NDUFAF2: variants seen among roughly 807,000 people sequenced by gnomAD.
NDUFAF2 encodes the protein NADH dehydrogenase [ubiquinone] 1 alpha subcomplex assembly factor 2.
Under a neutral mutation model 22.8 loss-of-function variants are expected in NDUFAF2, and 13 were observed. That is an observed-to-expected ratio of 0.57 (90% CI 0.37 to 0.91). NDUFAF2 has a LOEUF of 0.91. NDUFAF2 is among the 40% of genes least tolerant of loss of function. The pLI, the probability that NDUFAF2 is intolerant of heterozygous loss-of-function variation, is 0.01. For synonymous variants in NDUFAF2, 53 were observed against 64.2 expected, an observed-to-expected ratio of 0.83 and a Z score of 0.84; for missense variants, 162 against 195.2, an observed-to-expected ratio of 0.83 and a Z score of 1.01.
chr5:61,108,087 A>G (rs1752791116), intron 3 of NDUFAF2, among the ~76,000 whole-genome samples: 1 of 148,914 alleles, frequency 6.7e-6, no homozygotes, highest in African/African-American at 2.5e-5. Flanking sequence ...CATTTTCTTA[A>G]TCCAGTCTAT....
chr5:61,144,558 T>A (rs538831491), intron 3 of NDUFAF2, among the ~76,000 whole-genome samples: 2 of 152,320 alleles, frequency 1.3e-5, no homozygotes, highest in African/African-American at 4.8e-5. Context: ...CTGAGGAATG[T>A]TCACTCCCAC....
intron 2 of NDUFAF2, among the ~76,000 whole-genome samples, chr5:61,096,417 G>A (rs1349481168): frequency 6.6e-6 from 1 of 151,876 alleles, no homozygotes; most frequent in African/African-American, 2.4e-5. Context: ...TGGCCAACAC[G>A]GTGAAACCCC....
intron 1 of NDUFAF2, among the ~76,000 whole-genome samples, chr5:61,022,480 G>A (rs1188141646): frequency 6.6e-6 from 1 of 152,112 alleles, no homozygotes; most frequent in African/African-American, 2.4e-5. Flanking sequence ...TATTTCCTTA[G>A]CTCTTTGAGG....
chr5:61,132,455 T>C (rs906546507), intron 3 of NDUFAF2, among the ~76,000 whole-genome samples: 2 of 152,130 alleles, frequency 1.3e-5, no homozygotes, highest in African/African-American at 4.8e-5. Context: ...TATTGCTGTC[T>C]CCATCACTGC....
At chr5:61,062,224 T>C (rs575753131) in intron 1 of NDUFAF2, among the ~76,000 whole-genome samples, 1 of 152,244 alleles carries the variant, frequency 6.6e-6, no homozygotes, top group East Asian at 1.9e-4. Context: ...AAATGGAAGT[T>C]TACTAATTGT....
intron 1 of NDUFAF2, among the ~76,000 whole-genome samples, chr5:60,954,533 T>C (rs1196755025): frequency 6.6e-6 from 1 of 152,170 alleles, no homozygotes; most frequent in Non-Finnish European, 1.5e-5. Context: ...GTAACTGTTC[T>C]TTGAAATCTG....
intron 3 of NDUFAF2, among the ~76,000 whole-genome samples, chr5:61,113,818 T>G (rs935475936): frequency 4.4e-5 from 1 of 22,688 alleles, no homozygotes; most frequent in African/African-American, 1.0e-4. Context: ...GGATTAAAGT[T>G]TTTTTTTTTC....
intron 1 of NDUFAF2, among the ~76,000 whole-genome samples, chr5:61,007,045 AT>A (rs1278301806): frequency 5.9e-5 from 9 of 151,880 alleles, no homozygotes; most frequent in African/African-American, 2.2e-4. Context: ...GGTTGCAAAA[AT>A]TTTCTCCCAT....
At chr5:61,050,198 C>T (rs1037518945) in intron 1 of NDUFAF2, among the ~76,000 whole-genome samples, 3 of 151,988 alleles carry the variant, frequency 2.0e-5, no homozygotes, top group Non-Finnish European at 4.4e-5. Flanking sequence ...CAACAGTGCA[C>T]AAGGGTTCCA....
At chr5:61,016,713 G>A (rs1433663438) in intron 1 of NDUFAF2, among the ~76,000 whole-genome samples, 1 of 152,150 alleles carries the variant, frequency 6.6e-6, no homozygotes, top group Non-Finnish European at 1.5e-5. Flanking sequence ...CAGATCAAGT[G>A]CCTCTGTTTT....
At chr5:60,984,798 G>A (rs965596751) in intron 1 of NDUFAF2, among the ~76,000 whole-genome samples, 4 of 152,206 alleles carry the variant, frequency 2.6e-5, no homozygotes, top group Non-Finnish European at 5.9e-5. Context: ...CGGTTTGCCA[G>A]TATTTTATTG....
chr5:61,094,122 C>A (rs1752605899), intron 2 of NDUFAF2, among the ~76,000 whole-genome samples: 1 of 152,044 alleles, frequency 6.6e-6, no homozygotes, highest in African/African-American at 2.4e-5. Flanking sequence ...TTAGATACAC[C>A]AATCAATCAG....
chr5:61,113,625 C>T (rs1215650025), intron 3 of NDUFAF2, among the ~76,000 whole-genome samples: 1 of 152,064 alleles, frequency 6.6e-6, no homozygotes, highest in Non-Finnish European at 1.5e-5. Flanking sequence ...CCTCCTTTTG[C>T]TTGTCACTTC....
At chr5:60,976,876 A>G (rs372571977) in intron 1 of NDUFAF2, among the ~76,000 whole-genome samples, 2 of 152,192 alleles carry the variant, frequency 1.3e-5, no homozygotes, top group African/African-American at 4.8e-5. Flanking sequence ...AATGAGCAGT[A>G]CATCAAAACC....
chr5:61,133,320 C>T (rs767720962), intron 3 of NDUFAF2, among the ~76,000 whole-genome samples: 10 of 152,128 alleles, frequency 6.6e-5, no homozygotes, highest in Non-Finnish European at 1.5e-4. Flanking sequence ...ACTTTCTTAC[C>T]TTAAGCTATT....
At chr5:61,067,200 G>A (rs1752238970) in intron 1 of NDUFAF2, among the ~76,000 whole-genome samples, 2 of 151,804 alleles carry the variant, frequency 1.3e-5, no homozygotes, top group South Asian at 4.2e-4. Flanking sequence ...GGGTACATGT[G>A]CACAACGTGC....
intron 3 of NDUFAF2, among the ~76,000 whole-genome samples, chr5:61,110,367 C>A (rs1752823812): frequency 6.6e-6 from 1 of 151,624 alleles, no homozygotes; most frequent in Admixed American, 6.6e-5. Flanking sequence ...GAAGTATTCC[C>A]TCCTCCATTT....
At chr5:60,948,558 T>G (rs1750496985) in intron 1 of NDUFAF2, among the ~76,000 whole-genome samples, 1 of 152,056 alleles carries the variant, frequency 6.6e-6, no homozygotes, top group African/African-American at 2.4e-5. Flanking sequence ...CTGCTTTTTT[T>G]TTTTTTTGTT....
intron 3 of NDUFAF2, among the ~76,000 whole-genome samples, chr5:61,139,919 T>A (rs1271982971): frequency 6.6e-6 from 1 of 152,246 alleles, no homozygotes; most frequent in Non-Finnish European, 1.5e-5. Context: ...TTAGGGGTAC[T>A]TTCCCACTTT....
Sources: allele counts gnomAD v4.1 joint callset (sites outside exome capture counted in the v4.1 genomes callset), GRCh38; gene constraint gnomAD v4.1.1; transcripts MANE v1.5; gene names NCBI Gene and HGNC (gene_info 2026-07-23, HGNC 2026-07-21).